SLC3A2: variants seen among roughly 807,000 people sequenced by gnomAD.
The protein encoded by SLC3A2 is amino acid transporter heavy chain SLC3A2.
SLC3A2 carries 32 observed loss-of-function variants against 48.5 expected under a neutral mutation model. The observed-to-expected ratio is 0.66, with a 90% confidence interval of 0.50 to 0.89. The LOEUF (loss-of-function observed/expected upper bound fraction) is 0.89. Ranked by LOEUF, SLC3A2 falls within the 40% of genes least tolerant of loss-of-function variation. SLC3A2 has a pLI of 0.00. For missense variants in SLC3A2, 587 were observed against 680.7 expected (o/e 0.86, Z 1.53); for synonymous variants, 277 against 288.8 (o/e 0.96, Z 0.41).
chr11:62,857,772 A>G (rs2085354043), intron 1 of SLC3A2, among the ~76,000 whole-genome samples: 1 of 151,328 alleles, frequency 6.6e-6, no homozygotes, highest in Admixed American at 6.6e-5. Context: ...GTAGACAGAC[A>G]AGGCTGGGGA....
chr11:62,868,595 C>G (rs936690115), intron 1 of SLC3A2, among the ~76,000 whole-genome samples: 2 of 151,236 alleles, frequency 1.3e-5, no homozygotes, highest in African/African-American at 2.4e-5. Context: ...TTGATCTCCT[C>G]ACCTCGTGAT....
rs375888791 is a variant in SLC3A2, at chr11:62,881,106, C to T, written c.83C>T (p.Ser28Phe). Reference sequence around the variant, plus strand: ...GAGAAGCAGCCGATGAACGCGGCGTCTGGGGCGGCCATGTCCCTGGCGGGA... The same window carrying T: ...GAGAAGCAGCCGATGAACGCGGCGTTTGGGGCGGCCATGTCCCTGGCGGGA... ...EPEKQPMNAA[S>F]GAAMSLAGAE... Residue 28 changes from serine to phenylalanine, a missense_variant, in exon 1 of 9, where the codon TCT becomes TTT. Physicochemically the swap from Ser to Phe is radical, Grantham distance 155. Around this residue, in one of 3 missense-constraint regions of SLC3A2, gnomAD observed 409 missense variants for 446.7 expected, o/e 0.92. Transcript: ENST00000338663. The surrounding 1 kb of genome is among the most constrained non-coding windows in gnomAD (Gnocchi z 4.0). The T allele has an allele frequency of 1.1e-5, 17 of 1,608,602 alleles. No individual in the cohort carries two copies. The highest frequency in any genetic ancestry group is 1.4e-5 in the Non-Finnish European group (17 of 1,177,814).
chr11:62,873,111 TC>T (rs751062227), intron 1 of SLC3A2, among the ~76,000 whole-genome samples: 198 of 150,842 alleles, frequency 1.3e-3, no homozygotes, highest in Non-Finnish European at 2.4e-3. Context: ...ACCCTCAACT[TC>T]CCAGGCTCAA....
intron 1 of SLC3A2, among the ~76,000 whole-genome samples, chr11:62,859,351 G>C (rs1301559158): frequency 6.6e-6 from 1 of 152,140 alleles, no homozygotes; most frequent in Admixed American, 6.6e-5. Context: ...CACGGGGTTG[G>C]GGGTAAGGTC....
chr11:62,860,328 C>T (rs901029814), intron 1 of SLC3A2, among the ~76,000 whole-genome samples: 7 of 151,540 alleles, frequency 4.6e-5, no homozygotes, highest in Non-Finnish European at 7.4e-5. Flanking sequence ...GGTGAAACCC[C>T]GTCTCTACTA....
At chr11:62,875,751 G>C (rs2085564634) in intron 1 of SLC3A2, among the ~76,000 whole-genome samples, 1 of 152,088 alleles carries the variant, frequency 6.6e-6, no homozygotes, top group Non-Finnish European at 1.5e-5. Context: ...ATTTTTAGTA[G>C]AGATGGGGTT....
Position 62,885,338 on chromosome 11 carries a change from A to G in SLC3A2, c.980A>G (p.Asn327Ser), listed in dbSNP as rs754400157. 7.4e-6 allele frequency: 12 copies of G among 1,614,134 alleles called. No homozygotes were observed. Among genetic ancestry groups the G allele is most frequent in the Non-Finnish European group, 1.0e-5 (12 of 1,180,050 alleles). ...ACACAGTATTTGAATGCCACTGGCA[A>G]TCGCTGGTGCAGCTGGAGTGTGAGT... ...LVTQYLNATGNRWCSWSLSQA... is the reference protein window; with the variant it reads ...LVTQYLNATGSRWCSWSLSQA... Residue 327 changes from asparagine (N) to serine (S), a missense_variant, in exon 6 of 9, where the codon AAT becomes AGT. Transcript: ENST00000338663.
At chr11:62,858,374 G>C (rs11231254) in intron 1 of SLC3A2, among the ~76,000 whole-genome samples, 3 of 152,168 alleles carry the variant, frequency 2.0e-5, no homozygotes, top group Non-Finnish European at 4.4e-5. Flanking sequence ...GTTTTCAAAA[G>C]AATCCAGAAG....
At chr11:62,884,251 G>A in intron 3 of SLC3A2, 1 of 613,746 alleles carries the variant, frequency 1.6e-6, no homozygotes, top group Non-Finnish European at 2.9e-6. Flanking sequence ...AAATGCTGTA[G>A]CACTAAGAAA....
chr11:62,866,244 A>G (rs574668015), intron 1 of SLC3A2, among the ~76,000 whole-genome samples: 1 of 151,888 alleles, frequency 6.6e-6, no homozygotes. Context: ...CGGCCTCCCA[A>G]GTAGCTGGGA....
chr11:62,882,329 G>C, intron 2 of SLC3A2: 1 of 413,696 alleles, frequency 2.4e-6, no homozygotes, highest in East Asian at 4.6e-5. Context: ...TACTAAACCA[G>C]TGGTTTTAAA....
At chr11:62,868,396 C>G (rs974584851) in intron 1 of SLC3A2, among the ~76,000 whole-genome samples, 29 of 137,268 alleles carry the variant, frequency 2.1e-4, no homozygotes, top group African/African-American at 7.7e-4. Context: ...GATGGAGTCT[C>G]ACTCTCTTGC....
upstream of SLC3A2, among the ~76,000 whole-genome samples, chr11:62,878,805 C>T (rs61893803): frequency 2.1e-4 from 29 of 137,562 alleles, no homozygotes; most frequent in East Asian, 8.8e-4. Context: ...GACAGAGTCT[C>T]ACTCTGTCAC....
intron 3 of SLC3A2, 169 bp from the exon 4 acceptor site, chr11:62,884,288 G>T: frequency 1.5e-6 from 1 of 658,692 alleles, no homozygotes; most frequent in Non-Finnish European, 2.7e-6. Context: ...AGCTGGAGGG[G>T]TCCAAAGGCT....
At chr11:62,875,715 C>T (rs1444358309) in intron 1 of SLC3A2, among the ~76,000 whole-genome samples, 1 of 152,122 alleles carries the variant, frequency 6.6e-6, no homozygotes, top group Non-Finnish European at 1.5e-5. Flanking sequence ...TACAGGCAGC[C>T]ACCACCATGC....
At chr11:62,858,858 C>T (rs1215913249) in intron 1 of SLC3A2, among the ~76,000 whole-genome samples, 1 of 152,210 alleles carries the variant, frequency 6.6e-6, no homozygotes, top group African/African-American at 2.4e-5. Flanking sequence ...CATCTCAATG[C>T]TTTACAAAGC....
At chr11:62,886,469 G>A (rs1466706571) in intron 7 of SLC3A2, 1 of 151,654 alleles carries the variant, frequency 6.6e-6, no homozygotes, top group Non-Finnish European at 1.5e-5. Flanking sequence ...AGGCTGGAGT[G>A]CAGTGGCATG....
chr11:62,856,404 C>A, intron 1 of SLC3A2: 2 of 1,583,468 alleles, frequency 1.3e-6, no homozygotes, highest in Non-Finnish European at 1.7e-6. Flanking sequence ...GGGCTAAGCT[C>A]GGGAGGAGGT....
intron 3 of SLC3A2, 100 bp from the exon 4 acceptor site, chr11:62,884,357 C>A: frequency 7.6e-7 from 1 of 1,319,822 alleles, no homozygotes; most frequent in Non-Finnish European, 1.1e-6. Context: ...TCCCCAGCTC[C>A]CGGGGAAGTG....
Sources: allele counts gnomAD v4.1 joint callset (sites outside exome capture counted in the v4.1 genomes callset), GRCh38; gene constraint gnomAD v4.1.1; regional missense constraint gnomAD v4.1.1; non-coding constraint Gnocchi (gnomAD v3.1); transcripts MANE v1.5; gene names NCBI Gene and HGNC (gene_info 2026-07-23, HGNC 2026-07-21).